Variants in RESF1 observed in about 807,000 individuals in gnomAD.
RESF1 encodes retroelement silencing factor 1.
In RESF1, 65 loss-of-function variants were observed where a neutral mutation model predicts 134.7. That is an observed-to-expected ratio of 0.48 (90% CI 0.40 to 0.59). RESF1 has a LOEUF of 0.59. RESF1 is among the 20% of genes least tolerant of loss of function. The pLI is 0.00. For synonymous variants in RESF1, 762 were observed against 702.2 expected (o/e 1.09, Z -1.35); for missense variants, 2,274 against 2,002.7 (o/e 1.14, Z -2.59).
rs761205866 is a variant in RESF1, at chr12:31,981,357, A to G, written c.402A>G (p.Ala134=). The change falls in exon 4 of 6, where the codon GCA becomes GCG. Residue 134 remains alanine (A), a synonymous_variant. Transcript: ENST00000312561. ...ATCCTGTGCATTCTCATATAGGGGC[A>G]ACTGTATCTCATCAAACTGATTTTG... ...MRNPVHSHIG[A]TVSHQTDFGA... is the part of the protein sequence containing the mutation. 3.7e-6 allele frequency: 6 copies of G among 1,614,040 alleles called. No homozygotes were observed. In the East Asian group the frequency reaches 1.3e-4, roughly 36 times the overall value.
chr12:31,985,224 G>A lies in RESF1; in HGVS notation c.4269G>A (p.Lys1423=). Residue 1423 remains lysine (K), a synonymous_variant, in exon 4 of 6, where the codon AAG becomes AAA. Coordinates refer to ENST00000312561, the MANE Select transcript of RESF1 (RefSeq NM_018169.4). ...NPNERAIVKE[K]MVSNTKSVDT... ...ACGAAAGAGCCATTGTTAAAGAAAA[G>A]ATGGTATCAAATACTAAGTCTGTAG... 1 of 1,591,090 alleles carries A rather than the reference G, an allele frequency of 6.3e-7. No individual in the cohort carries two copies. The highest frequency in any genetic ancestry group is 1.9e-5 in the Admixed American group (1 of 52,610).
rs548352670 is a variant in RESF1, at chr12:31,976,546, G to A, written c.-78-4332G>A. Among the ~76,000 whole-genome samples, 5 of 152,214 alleles carry A rather than the reference G, an allele frequency of 3.3e-5. No homozygotes were observed. The South Asian group carries it at 1.0e-3, about 32-fold the overall frequency. Reference sequence around the variant, plus strand: ...TAAAAATACAAAATTAGCCTGGCATGGTGGTGGGACCCTGTAATCCCTGCT... The same window carrying A: ...TAAAAATACAAAATTAGCCTGGCATAGTGGTGGGACCCTGTAATCCCTGCT... On this transcript the variant is annotated intron_variant, in intron 3 of 5. Transcript: ENST00000312561.
At chr12:31,961,671 C>A (rs1424842766) in intron 2 of RESF1, among the ~76,000 whole-genome samples, 1 of 152,124 alleles carries the variant, frequency 6.6e-6, no homozygotes, top group Non-Finnish European at 1.5e-5. Flanking sequence ...ACTGTAGATC[C>A]TCTTAGATTC....
chr12:31,985,520 A>G lies in RESF1; in HGVS notation c.4565A>G (p.His1522Arg), dbSNP rs774957571. 2.5e-6 allele frequency: 4 copies of G among 1,601,640 alleles called. No homozygotes were observed. The highest frequency in any genetic ancestry group is 3.4e-6 in the Non-Finnish European group (4 of 1,176,474). Residue 1522 changes from histidine (H) to arginine (R), a missense_variant, in exon 4 of 6, where the codon CAC (histidine) becomes CGC (arginine). His to Arg is a conservative substitution (Grantham distance 29, BLOSUM62 0). Transcript: ENST00000312561. ...AGCCATGGTAAAAACCTCAAAATCCACCATTCTCAGGAGTCTAAAACATAC... is the reference window on the plus strand; with the variant it reads ...AGCCATGGTAAAAACCTCAAAATCCGCCATTCTCAGGAGTCTAAAACATAC... ...LTSHGKNLKI[H>R]HSQESKTYNI...
At chr12:31,989,995 G>A (rs1940062568) in intron 5 of RESF1, among the ~76,000 whole-genome samples, 2 of 152,174 alleles carry the variant, frequency 1.3e-5, no homozygotes, top group Non-Finnish European at 1.5e-5. Flanking sequence ...GGAAAACAAT[G>A]CCTCTCGGGT....
Position 31,982,760 on chromosome 12 carries a change from C to G in RESF1, c.1805C>G (p.Ala602Gly). Residue 602 changes from alanine (A) to glycine (G), a missense_variant, in exon 4 of 6, where the codon GCT (alanine) becomes GGT (glycine). By Grantham distance (60) the Ala-to-Gly change is moderately conservative (BLOSUM62 0). Coordinates refer to ENST00000312561, the MANE Select transcript of RESF1 (RefSeq NM_018169.4). ...ACTCAGAAGACAGTATTAAAAGATG[C>G]TAATCAAACTATTCAGGATTCTAAA... The part of the protein sequence containing the change: ...RKTQKTVLKD[A>G]NQTIQDSKPD... 6.2e-7 allele frequency: 1 copy of G among 1,614,036 alleles called. No homozygotes were observed. The highest frequency in any genetic ancestry group is 8.5e-7 in the Non-Finnish European group (1 of 1,179,956).
intron 2 of RESF1, among the ~76,000 whole-genome samples, chr12:31,965,079 C>G (rs559592306): frequency 6.6e-6 from 1 of 152,232 alleles, no homozygotes; most frequent in Non-Finnish European, 1.5e-5. Flanking sequence ...GCCTCAGCCT[C>G]CAAAGTAGCT....
intron 2 of RESF1, among the ~76,000 whole-genome samples, chr12:31,964,960 G>A (rs941538099): frequency 2.0e-4 from 30 of 151,926 alleles, no homozygotes; most frequent in East Asian, 9.6e-4. Flanking sequence ...TAGTTTTGTC[G>A]TTTTGTTTTT....
chr12:31,976,229 CAT>C (rs1018995008), intron 3 of RESF1, among the ~76,000 whole-genome samples: 1 of 152,158 alleles, frequency 6.6e-6, no homozygotes, highest in Non-Finnish European at 1.5e-5. Context: ...CATTGAATAA[CAT>C]AGGAATTAGG....
intron 3 of RESF1, among the ~76,000 whole-genome samples, chr12:31,974,977 G>A (rs12304382): frequency 0.012 from 1,783 of 150,028 alleles, 38 homozygotes; most frequent in African/African-American, 0.042. Context: ...AGAGTTTTAG[G>A]TTTAAAGAAA....
chr12:31,963,082 T>TG (rs1192522619), intron 2 of RESF1, among the ~76,000 whole-genome samples: 2 of 144,380 alleles, frequency 1.4e-5, no homozygotes, highest in Non-Finnish European at 1.5e-5. Context: ...ATAAAGTCCA[T>TG]GGGCTGGTCG....
chr12:31,984,207 C>T lies in RESF1; in HGVS notation c.3252C>T (p.Thr1084=), dbSNP rs1939893543. 1 of 1,613,918 alleles carries T rather than the reference C, an allele frequency of 6.2e-7. No individual in the cohort carries two copies. The highest frequency in any genetic ancestry group is 8.5e-7 in the Non-Finnish European group (1 of 1,179,960). The change falls in exon 4 of 6, where the codon ACC becomes ACT. Residue 1084 remains threonine (T), a synonymous_variant. Transcript: ENST00000312561. ...TGGGCCAGCAAACTACATACCAGAC[C>T]TCAGAAGATCAAACTGCTGATAAAA... ...GSVGQQTTYQ[T]SEDQTADKTS...
Position 31,982,960 on chromosome 12 carries a change from T to A in RESF1, c.2005T>A (p.Ser669Thr), listed in dbSNP as rs1165635049. The A allele has an allele frequency of 1.9e-6, 3 of 1,614,000 alleles. No individual in the cohort carries two copies. The Admixed American group carries it at 5.0e-5, about 27-fold the overall frequency. Residue 669 changes from serine (S) to threonine (T), a missense_variant, in exon 4 of 6, where the codon TCC becomes ACC. Coordinates refer to ENST00000312561, the MANE Select transcript of RESF1 (RefSeq NM_018169.4). ...GCCTGCTAAAAGTGACAGTAGCTGT[T>A]CCATGGAAGTGCTAGCAACCTGTCT... ...GMPAKSDSSC[S>T]MEVLATCLSL...
intron 3 of RESF1, among the ~76,000 whole-genome samples, chr12:31,980,540 T>C (rs1939757669): frequency 6.6e-6 from 1 of 152,194 alleles, no homozygotes; most frequent in Non-Finnish European, 1.5e-5. Flanking sequence ...AAATTCTCAT[T>C]TTTATTGTCA....
intron 2 of RESF1, among the ~76,000 whole-genome samples, chr12:31,965,053 C>T (rs998111295): frequency 3.3e-5 from 5 of 152,092 alleles, no homozygotes; most frequent in African/African-American, 7.2e-5. Context: ...CTGTAACCTC[C>T]GCTTCCGATT....
At chr12:31,987,205 A>G (rs750951995) in intron 4 of RESF1, 34 bp from the exon 5 acceptor site, 2 of 1,165,562 alleles carry the variant, frequency 1.7e-6, no homozygotes, top group African/African-American at 1.5e-5. Flanking sequence ...ATGATTAGCA[A>G]TATCTAGAGT....
chr12:31,985,707 AGTTGGGTTTAAAT>A lies in RESF1; in HGVS notation c.4754_4766del (p.Val1585AlafsTer12). 6.2e-7 allele frequency: 1 copy of A among 1,607,378 alleles called. No homozygotes were observed. The highest frequency in any genetic ancestry group is 8.5e-7 in the Non-Finnish European group (1 of 1,178,412). On this transcript the variant is annotated frameshift_variant, in exon 4 of 6. Coordinates refer to ENST00000312561, the MANE Select transcript of RESF1 (RefSeq NM_018169.4). LOFTEE classifies it high-confidence loss of function. ...ATCAAAAGAAATTATATCTGAATAG[AGTTGGGTTTAAAT>A]GCACTGAACGTGAAAGCATTTCTCT...
chr12:31,974,926 CTTTT>C (rs35531944), intron 3 of RESF1, among the ~76,000 whole-genome samples: 2 of 139,278 alleles, frequency 1.4e-5, no homozygotes, highest in East Asian at 2.1e-4. Flanking sequence ...TGGTGGCTGC[CTTTT>C]TTTTTTTTTT....
At chr12:31,989,883 A>C (rs555393447) in intron 5 of RESF1, among the ~76,000 whole-genome samples, 2 of 152,288 alleles carry the variant, frequency 1.3e-5, no homozygotes, top group South Asian at 4.1e-4. Flanking sequence ...TGAAACATGC[A>C]TATGGGAAAA....
Sources: gnomAD v4.1 joint callset for allele counts (sites outside exome capture counted in the v4.1 genomes callset) on GRCh38, gnomAD v4.1.1 for gene constraint, MANE v1.5 for transcripts, NCBI Gene and HGNC (gene_info 2026-07-23, HGNC 2026-07-21) for gene names.